Variants in ARID3B observed in about 807,000 individuals in gnomAD.
ARID3B encodes the protein AT-rich interaction domain 3B.
A neutral mutation model predicts 51.9 loss-of-function variants in ARID3B; 10 were observed. That is an observed-to-expected ratio of 0.19 (90% CI 0.12 to 0.33). The LOEUF (loss-of-function observed/expected upper bound fraction) is 0.33, where lower values mean the gene tolerates loss of function less well. Among genes scored for constraint, ARID3B ranks in the 10% least tolerant of loss-of-function variants. The pLI, the probability that ARID3B is intolerant of heterozygous loss-of-function variation, is 1.00. For synonymous variants in ARID3B, 205 were observed against 279.5 expected, an observed-to-expected ratio of 0.73 and a Z score of 2.66; for missense variants, 483 against 716.3, an observed-to-expected ratio of 0.67 and a Z score of 3.72.
intron 2 of ARID3B, among the ~76,000 whole-genome samples, chr15:74,559,229 C>T (rs1238113950): frequency 1.3e-5 from 2 of 152,308 alleles, no homozygotes; most frequent in Middle Eastern, 3.4e-3. Flanking sequence ...GCCACTTGCT[C>T]ACTGATTGCT....
intron 4 of ARID3B, among the ~76,000 whole-genome samples, chr15:74,586,039 A>G (rs547523444): frequency 6.6e-6 from 1 of 152,356 alleles, no homozygotes; most frequent in East Asian, 1.9e-4. Flanking sequence ...AATGCGCCCA[A>G]TCTCCTTATC....
chr15:74,557,573 T>C (rs1277448654), intron 2 of ARID3B, among the ~76,000 whole-genome samples: 1 of 152,220 alleles, frequency 6.6e-6, no homozygotes, highest in African/African-American at 2.4e-5. Context: ...CTGTTTTTGC[T>C]GTTGAGAAAT....
At chr15:74,593,317 C>A (rs2061811029) in intron 8 of ARID3B, 81 bp downstream of exon 8, 2 of 1,325,706 alleles carry the variant, frequency 1.5e-6, no homozygotes, top group Non-Finnish European at 2.1e-6. Context: ...CTGCCTCTTA[C>A]CCTCTGTCTG....
intron 4 of ARID3B, among the ~76,000 whole-genome samples, chr15:74,582,458 G>A (rs559674386): frequency 2.2e-4 from 34 of 152,164 alleles, no homozygotes; most frequent in African/African-American, 7.7e-4. Flanking sequence ...GTGAGCCACC[G>A]CGCCCAGCCA....
chr15:74,589,417 C>T (rs2061795013), intron 4 of ARID3B, among the ~76,000 whole-genome samples: 1 of 152,082 alleles, frequency 6.6e-6, no homozygotes, highest in Non-Finnish European at 1.5e-5. Context: ...GAAAGGCATC[C>T]CAGAGGAAGC....
rs1041255697 is a variant in ARID3B at position 74,541,251 on chromosome 15, G to C, written c.-157G>C. On this transcript the variant is annotated 5_prime_UTR_variant, in exon 1 of 9. Transcript: ENST00000346246. Reference sequence around the variant, plus strand: ...CCGGCTGTGGCCCCCGGCTGCGGAGGAGTCCGAGACGCAGCTGCCGCGCCG... The same window carrying C: ...CCGGCTGTGGCCCCCGGCTGCGGAGCAGTCCGAGACGCAGCTGCCGCGCCG... 1 of 151,944 alleles carries C rather than the reference G, an allele frequency of 6.6e-6. No homozygotes were observed. The highest frequency in any genetic ancestry group is 1.5e-5 in the Non-Finnish European group (1 of 67,984). The allele number at this position is 151,944 out of a possible 1,614,324, so 9.4% of individuals were successfully genotyped here. A position where few individuals can be genotyped will look rare whatever the true frequency, so the allele number is the denominator to read the frequency against.
intron 4 of ARID3B, among the ~76,000 whole-genome samples, chr15:74,577,361 A>G (rs571631074): frequency 6.6e-6 from 1 of 151,966 alleles, no homozygotes; most frequent in Non-Finnish European, 1.5e-5. Flanking sequence ...AGGCTGAGTC[A>G]GGAGAATCAC....
At position 74,544,101 on chromosome 15, in the gene ARID3B, C is replaced by A. The variant is rs746989731; in HGVS notation, c.165C>A (p.Ala55=). 6 of 1,613,990 alleles carry A rather than the reference C, an allele frequency of 3.7e-6. No homozygotes were observed. The East Asian group carries it at 1.3e-4, about 36-fold the overall frequency. The part of the protein sequence containing the change: ...KLVTQPTLLS[A]TAGRPSGSTP... ...TCACACAGCCGACTCTCCTTTCCGCCACAGCTGGGAGACCTTCTGGCAGCA... is the reference window on the plus strand; with the variant it reads ...TCACACAGCCGACTCTCCTTTCCGCAACAGCTGGGAGACCTTCTGGCAGCA... Residue 55 remains alanine (A), a synonymous_variant, in exon 2 of 9, where the codon GCC becomes GCA. Coordinates refer to ENST00000346246, the MANE Select transcript of ARID3B (RefSeq NM_006465.4).
At chr15:74,585,176 G>A (rs1352021575) in intron 4 of ARID3B, among the ~76,000 whole-genome samples, 1 of 152,234 alleles carries the variant, frequency 6.6e-6, no homozygotes, top group African/African-American at 2.4e-5. Context: ...TTGGTCTCCT[G>A]TAGGGCCAAC....
intron 2 of ARID3B, among the ~76,000 whole-genome samples, chr15:74,550,495 A>G (rs936384954): frequency 6.6e-6 from 1 of 151,850 alleles, no homozygotes; most frequent in African/African-American, 2.4e-5. Context: ...GATCAAGACC[A>G]TCTTGACTAA....
rs780954234 is a variant in ARID3B, at chr15:74,593,156, C to T, written c.1439C>T (p.Ser480Leu). 4.3e-6 allele frequency: 7 copies of T among 1,613,370 alleles called. No homozygotes were observed. Among genetic ancestry groups the T allele is most frequent in the South Asian group, 2.2e-5 (2 of 91,046 alleles). The change falls in exon 8 of 9, where the codon TCG (serine) becomes TTG (leucine). Residue 480 changes from serine to leucine, a missense_variant. Physicochemically the swap from Ser to Leu is moderately radical, Grantham distance 145. Coordinates refer to ENST00000346246, the MANE Select transcript of ARID3B (RefSeq NM_006465.4). The stretch of plus-strand genomic sequence containing the variant: ...CCAGCAGAAGACAGAGCAGAGGCCT[C>T]GGCTGCAGCACTGAACCTGACCACG... ...INGREDRAEA[S>L]AAALNLTTSS...
At position 74,591,475 on chromosome 15, in the gene ARID3B, G is replaced by T. The variant is rs748626511; in HGVS notation, c.1165+41G>T. On this transcript the variant is annotated intron_variant, in intron 6 of 8. Transcript: ENST00000346246. This position sits in a 1 kb window ranked among gnomAD's most constrained non-coding sequence, Gnocchi z 5.8. ...GGGGGAGAAGGAAGAAAGGGAGGAA[G>T]GGATGCCAGTTCCCTGTGTTCAAGA... The T allele has an allele frequency of 2.5e-6, 4 of 1,593,614 alleles. No homozygotes were observed. The highest frequency in any genetic ancestry group is 1.7e-4 in the Middle Eastern group (1 of 5,992).
chr15:74,597,348 G>T lies in ARID3B; in HGVS notation c.*1574G>T. 1 of 420,984 alleles carries T rather than the reference G, an allele frequency of 2.4e-6. No individual in the cohort carries two copies. The highest frequency in any genetic ancestry group is 2.3e-5 in the South Asian group (1 of 43,564). The allele number at this position is 420,984 out of a possible 1,614,324, so 26.1% of individuals were successfully genotyped here. ...GGCAGTGGGAGACACCGCGCGTGGCGTGGGTGTGTGTGGCAGCGTGGCTCG... is the reference window on the plus strand; with the variant it reads ...GGCAGTGGGAGACACCGCGCGTGGCTTGGGTGTGTGTGGCAGCGTGGCTCG... On this transcript the variant is annotated 3_prime_UTR_variant, in exon 9 of 9. Coordinates refer to ENST00000346246, the MANE Select transcript of ARID3B (RefSeq NM_006465.4).
chr15:74,584,315 G>A (rs1326370927), intron 4 of ARID3B, among the ~76,000 whole-genome samples: 3 of 152,262 alleles, frequency 2.0e-5, no homozygotes, highest in Non-Finnish European at 4.4e-5. Flanking sequence ...TGAAGATGCA[G>A]AGGAATGTTC....
intron 8 of ARID3B, among the ~76,000 whole-genome samples, chr15:74,593,661 G>A (rs1203384364): frequency 2.0e-5 from 3 of 152,294 alleles, no homozygotes; most frequent in East Asian, 1.9e-4. Flanking sequence ...GTCTTTTACA[G>A]TTATCTTTTC....
chr15:74,561,820 T>C (rs1004187299), intron 2 of ARID3B, among the ~76,000 whole-genome samples: 10 of 152,230 alleles, frequency 6.6e-5, no homozygotes, highest in Non-Finnish European at 1.5e-5. Context: ...ACAAAAGCCA[T>C]GCACACTCAG....
At chr15:74,557,765 T>C (rs1164494155) in intron 2 of ARID3B, among the ~76,000 whole-genome samples, 3 of 151,974 alleles carry the variant, frequency 2.0e-5, no homozygotes, top group Non-Finnish European at 2.9e-5. Flanking sequence ...GATTTTTTCT[T>C]TTTGACTCTG....
At position 74,544,369 on chromosome 15, in the gene ARID3B, G is replaced by A. The variant is rs1360618867; in HGVS notation, c.433G>A (p.Gly145Arg). Residue 145 changes from glycine (G) to arginine (R), a missense_variant, in exon 2 of 9, where the codon GGG becomes AGG. Transcript: ENST00000346246. ...CATGTCCAATCTACTTCCAGCACCAGGGCTCCCACCACATGGACAACAAGC... is the reference window on the plus strand; with the variant it reads ...CATGTCCAATCTACTTCCAGCACCAAGGCTCCCACCACATGGACAACAAGC... ...APMSNLLPAP[G>R]LPPHGQQAKE... The A allele has an allele frequency of 6.2e-7, 1 of 1,613,218 alleles. No individual in the cohort carries two copies.
In ARID3B at chr15:74,589,815, C is replaced by T. The variant is rs768774952; in HGVS notation, c.698-5C>T. The T allele has an allele frequency of 6.2e-7, 1 of 1,602,836 alleles. No individual in the cohort carries two copies. The highest frequency in any genetic ancestry group is 1.1e-5 in the South Asian group (1 of 90,586). On this transcript the variant is annotated splice_polypyrimidine_tract_variant and splice_region_variant and intron_variant, in intron 4 of 8. Transcript: ENST00000346246. ...CTGTCTCTTTCTCTCGTTGGACAAC[C>T]ACAGGGACCCCCATCAACCGAATCC... is the stretch of plus-strand genomic sequence containing the variant.
Sources: gnomAD v4.1 joint callset for allele counts (sites outside exome capture counted in the v4.1 genomes callset) on GRCh38, gnomAD v4.1.1 for gene constraint, Gnocchi (gnomAD v3.1) non-coding constraint, MANE v1.5 for transcripts, NCBI Gene and HGNC (gene_info 2026-07-23, HGNC 2026-07-21) for gene names.